FOXP1: variants seen among roughly 807,000 people sequenced by gnomAD.
FOXP1 encodes forkhead box protein P1.
Under a neutral mutation model 98.2 loss-of-function variants are expected in FOXP1, and 15 were observed. The ratio of observed to expected loss-of-function variants is 0.15; its 90% CI spans 0.10 to 0.24. FOXP1 has a LOEUF of 0.24. Among genes scored for constraint, FOXP1 ranks in the 10% least tolerant of loss-of-function variants. The pLI is 1.00. For synonymous variants in FOXP1, 371 were observed against 314.5 expected, an observed-to-expected ratio of 1.18 and a Z score of -1.90; for missense variants, 633 against 848.5, an observed-to-expected ratio of 0.75 and a Z score of 3.15.
chr3:71,582,035 T>G, intron 1 of FOXP1: 1 of 978,830 alleles, frequency 1.0e-6, no homozygotes. Context: ...TACAACTGTT[T>G]ATTTAGTCCT....
chr3:71,069,321 C>T (rs1161882211), intron 7 of FOXP1, among the ~76,000 whole-genome samples: 8 of 152,146 alleles, frequency 5.3e-5, no homozygotes, highest in Non-Finnish European at 1.5e-5. Flanking sequence ...CTATGGAAAA[C>T]ATCAACCTAA....
chr3:71,231,737 T>C (rs2066304302), intron 5 of FOXP1, among the ~76,000 whole-genome samples: 1 of 152,256 alleles, frequency 6.6e-6, no homozygotes, highest in South Asian at 2.1e-4. Flanking sequence ...CTCCCTATTT[T>C]TCTTTTTCAT....
intron 2 of FOXP1, among the ~76,000 whole-genome samples, chr3:71,504,582 G>A (rs564916395): frequency 3.3e-5 from 5 of 152,164 alleles, no homozygotes; most frequent in African/African-American, 7.2e-5. Context: ...AAAACAACCC[G>A]GCTCAGAGCT....
At chr3:71,077,892 G>A (rs1215813716) in intron 7 of FOXP1, among the ~76,000 whole-genome samples, 1 of 151,710 alleles carries the variant, frequency 6.6e-6, no homozygotes, top group East Asian at 1.9e-4. Flanking sequence ...GAGTGCAATG[G>A]CGTGATCTCG....
chr3:71,030,035 G>T (rs1487387759), intron 11 of FOXP1, among the ~76,000 whole-genome samples: 1 of 152,144 alleles, frequency 6.6e-6, no homozygotes, highest in Non-Finnish European at 1.5e-5. Flanking sequence ...GTAAGGGCTG[G>T]TAGCATACCC....
chr3:71,364,722 TA>T (rs2078800866), intron 3 of FOXP1, among the ~76,000 whole-genome samples: 1 of 152,226 alleles, frequency 6.6e-6, no homozygotes, highest in Admixed American at 6.5e-5. Flanking sequence ...GAACATCAGA[TA>T]CCTCCCTAGA....
intron 7 of FOXP1, among the ~76,000 whole-genome samples, chr3:71,096,596 G>C (rs915828734): frequency 5.9e-5 from 9 of 152,140 alleles, no homozygotes. Flanking sequence ...GGGCATCTTA[G>C]GAGGGCTCCA....
chr3:71,049,443 T>G (rs527544299), intron 9 of FOXP1, among the ~76,000 whole-genome samples: 7 of 152,196 alleles, frequency 4.6e-5, no homozygotes, highest in African/African-American at 1.7e-4. Flanking sequence ...CTACATCCTC[T>G]CTTCCTCCCC....
At chr3:71,123,734 C>A (rs1216831058) in intron 6 of FOXP1, among the ~76,000 whole-genome samples, 1 of 152,140 alleles carries the variant, frequency 6.6e-6, no homozygotes, top group Non-Finnish European at 1.5e-5. Context: ...CCACTGTAGA[C>A]TCTTGCACTC....
At chr3:71,535,917 A>G (rs997465853) in intron 2 of FOXP1, among the ~76,000 whole-genome samples, 2 of 152,124 alleles carry the variant, frequency 1.3e-5, no homozygotes, top group African/African-American at 4.8e-5. Context: ...TACCTACAAC[A>G]CCAAGGCTCC....
intron 6 of FOXP1, among the ~76,000 whole-genome samples, chr3:71,153,396 G>C (rs532496091): frequency 1.3e-5 from 2 of 152,166 alleles, no homozygotes; most frequent in African/African-American, 4.8e-5. Context: ...TTCCAGGTTT[G>C]CAGCTATTTC....
chr3:71,122,884 C>A (rs1251107523), intron 6 of FOXP1, among the ~76,000 whole-genome samples: 1 of 152,180 alleles, frequency 6.6e-6, no homozygotes, highest in Non-Finnish European at 1.5e-5. Flanking sequence ...CACGGGTAAT[C>A]TTGGCAAATG....
intron 4 of FOXP1, among the ~76,000 whole-genome samples, chr3:71,324,218 T>C (rs1331028694): frequency 6.6e-6 from 1 of 152,204 alleles, no homozygotes; most frequent in African/African-American, 2.4e-5. Flanking sequence ...TGTTGTTTAG[T>C]TCTGAATACC....
At chr3:71,480,609 T>C (rs1413834163) in intron 3 of FOXP1, among the ~76,000 whole-genome samples, 2 of 152,170 alleles carry the variant, frequency 1.3e-5, no homozygotes, top group Non-Finnish European at 2.9e-5. Flanking sequence ...TGGGAAACAA[T>C]GCACATGGTC....
At chr3:71,340,417 TG>T (rs1201548051) in intron 4 of FOXP1, among the ~76,000 whole-genome samples, 3 of 152,210 alleles carry the variant, frequency 2.0e-5, no homozygotes, top group African/African-American at 7.2e-5. Context: ...TTCTGTATTT[TG>T]GGGGGAAAAG....
intron 3 of FOXP1, among the ~76,000 whole-genome samples, chr3:71,427,332 A>G (rs919367541): frequency 1.3e-5 from 2 of 152,190 alleles, no homozygotes; most frequent in African/African-American, 4.8e-5. Flanking sequence ...ACAGAGCAAA[A>G]GGAGCAGGGA....
At chr3:71,520,577 T>C (rs534382839) in intron 2 of FOXP1, among the ~76,000 whole-genome samples, 1 of 152,308 alleles carries the variant, frequency 6.6e-6, no homozygotes, top group South Asian at 2.1e-4. Flanking sequence ...AACAAAACAC[T>C]ATTCCAGTTG....
chr3:71,537,606 C>T (rs1422578015), intron 2 of FOXP1, among the ~76,000 whole-genome samples: 2 of 152,224 alleles, frequency 1.3e-5, no homozygotes, highest in Non-Finnish European at 2.9e-5. Flanking sequence ...TGGAACTCAA[C>T]AGAGTCAAGG....
chr3:71,294,004 G>A (rs1363290153), intron 5 of FOXP1, among the ~76,000 whole-genome samples: 4 of 152,164 alleles, frequency 2.6e-5, no homozygotes, highest in Non-Finnish European at 5.9e-5. Context: ...TTTGCTAAGT[G>A]AAAGAATCCA....
Sources: allele counts gnomAD v4.1 joint callset (sites outside exome capture counted in the v4.1 genomes callset), GRCh38; gene constraint gnomAD v4.1.1; transcripts MANE v1.5; gene names NCBI Gene and HGNC (gene_info 2026-07-23, HGNC 2026-07-21).